FHIT: variants seen among roughly 807,000 people sequenced by gnomAD.
FHIT encodes bis(5'-adenosyl)-triphosphatase.
A neutral mutation model predicts 17.9 loss-of-function variants in FHIT; 19 were observed. The ratio of observed to expected loss-of-function variants is 1.06; its 90% CI spans 0.74 to 1.56. The LOEUF (loss-of-function observed/expected upper bound fraction) is 1.56. Among genes scored for constraint, FHIT ranks in the 40% most tolerant of loss-of-function variants. The probability of loss-of-function intolerance (pLI) is 0.00; values close to 1 mark genes in which losing one functional copy is unlikely to be tolerated. For synonymous variants in FHIT, 81 were observed against 69.7 expected (o/e 1.16, Z -0.81); for missense variants, 248 against 189.2 (o/e 1.31, Z -1.82).
At chr3:59,944,982 G>A (rs1706727925) in intron 7 of FHIT, among the ~76,000 whole-genome samples, 1 of 152,160 alleles carries the variant, frequency 6.6e-6, no homozygotes, top group East Asian at 1.9e-4. Context: ...CTACTGCAAT[G>A]AATATGTCTA....
intron 5 of FHIT, among the ~76,000 whole-genome samples, chr3:60,097,527 A>G (rs899472260): frequency 1.3e-5 from 2 of 151,774 alleles, no homozygotes; most frequent in African/African-American, 4.8e-5. Context: ...CACCTTCACA[A>G]CCTCTGAGAC....
At chr3:60,202,943 T>C (rs1281156741) in intron 5 of FHIT, among the ~76,000 whole-genome samples, 1 of 152,114 alleles carries the variant, frequency 6.6e-6, no homozygotes, top group Non-Finnish European at 1.5e-5. Flanking sequence ...TCTACTTTTA[T>C]TTATGAGTGT....
chr3:60,932,751 C>G (rs1708022813), intron 3 of FHIT, among the ~76,000 whole-genome samples: 1 of 152,176 alleles, frequency 6.6e-6, no homozygotes, highest in African/African-American at 2.4e-5. Flanking sequence ...ATCTTCTGTT[C>G]ATTAAACTCT....
intron 5 of FHIT, among the ~76,000 whole-genome samples, chr3:60,199,746 A>G (rs546781516): frequency 1.3e-5 from 2 of 152,256 alleles, no homozygotes; most frequent in South Asian, 4.1e-4. Context: ...TTTTTATTTA[A>G]ACATAAACTC....
chr3:60,695,991 G>C (rs2041106062), intron 4 of FHIT, among the ~76,000 whole-genome samples: 1 of 152,156 alleles, frequency 6.6e-6, no homozygotes, highest in South Asian at 2.1e-4. Flanking sequence ...GAGGAATGGA[G>C]ATAAGGAGAG....
chr3:60,402,056 CTTA>C (rs1701678352), intron 5 of FHIT, among the ~76,000 whole-genome samples: 1 of 152,106 alleles, frequency 6.6e-6, no homozygotes, highest in African/African-American at 2.4e-5. Context: ...TACTAAGAGT[CTTA>C]TTAAGGGGCT....
At chr3:60,018,785 C>T (rs1229225867) in intron 5 of FHIT, among the ~76,000 whole-genome samples, 1 of 152,002 alleles carries the variant, frequency 6.6e-6, no homozygotes, top group Non-Finnish European at 1.5e-5. Context: ...CAAGACCAGC[C>T]TGGCCAACGT....
chr3:59,871,892 G>A (rs1702942132), intron 8 of FHIT, among the ~76,000 whole-genome samples: 1 of 152,168 alleles, frequency 6.6e-6, no homozygotes, highest in Non-Finnish European at 1.5e-5. Flanking sequence ...CTTGCGCACT[G>A]AAGACAAGAA....
intron 8 of FHIT, among the ~76,000 whole-genome samples, chr3:59,769,649 A>T (rs1701976503): frequency 6.6e-6 from 1 of 152,144 alleles, no homozygotes; most frequent in South Asian, 2.1e-4. Flanking sequence ...CGGATACCAT[A>T]GCAGTACACA....
At chr3:60,965,606 C>G (rs376282545) in intron 3 of FHIT, among the ~76,000 whole-genome samples, 3 of 152,140 alleles carry the variant, frequency 2.0e-5, no homozygotes, top group Admixed American at 6.5e-5. Context: ...GTGACGTACA[C>G]ATGGGGTTTT....
chr3:60,734,223 A>G (rs1315402403), intron 4 of FHIT, among the ~76,000 whole-genome samples: 3 of 152,204 alleles, frequency 2.0e-5, no homozygotes, highest in African/African-American at 4.8e-5. Flanking sequence ...CAGTCTTAGA[A>G]ACCATTTTAA....
chr3:59,780,731 C>A (rs1173327163), intron 8 of FHIT, among the ~76,000 whole-genome samples: 1 of 152,166 alleles, frequency 6.6e-6, no homozygotes, highest in South Asian at 2.1e-4. Flanking sequence ...GAAGGTGAAC[C>A]AGAAGCAGGG....
At chr3:60,092,020 C>T (rs1559624271) in intron 5 of FHIT, among the ~76,000 whole-genome samples, 1 of 152,162 alleles carries the variant, frequency 6.6e-6, no homozygotes, top group Non-Finnish European at 1.5e-5. Context: ...TGGTTGGCTG[C>T]TACCCACAGG....
intron 5 of FHIT, among the ~76,000 whole-genome samples, chr3:60,205,680 A>C (rs1439488274): frequency 6.6e-6 from 1 of 152,214 alleles, no homozygotes; most frequent in Non-Finnish European, 1.5e-5. Flanking sequence ...ACATGGGAAC[A>C]AAATGACGCA....
intron 5 of FHIT, among the ~76,000 whole-genome samples, chr3:60,126,942 C>A (rs1209963685): frequency 6.6e-6 from 1 of 152,144 alleles, no homozygotes; most frequent in Non-Finnish European, 1.5e-5. Context: ...TAACTAGTGG[C>A]CTTTGTTCTA....
At chr3:60,338,153 C>G (rs909619534) in intron 5 of FHIT, among the ~76,000 whole-genome samples, 2 of 152,122 alleles carry the variant, frequency 1.3e-5, no homozygotes, top group African/African-American at 4.8e-5. Flanking sequence ...TACATATATT[C>G]TGCATCACTA....
intron 5 of FHIT, among the ~76,000 whole-genome samples, chr3:60,403,847 T>G (rs1235591346): frequency 6.6e-6 from 1 of 152,222 alleles, no homozygotes; most frequent in East Asian, 1.9e-4. Context: ...TCCCATGTCA[T>G]GTAAAATTAT....
chr3:61,169,725 CA>C (rs1200802794), intron 2 of FHIT, among the ~76,000 whole-genome samples: 2 of 152,114 alleles, frequency 1.3e-5, no homozygotes, highest in Non-Finnish European at 2.9e-5. Flanking sequence ...ATTATTCTGA[CA>C]TGTGTTAAAA....
intron 5 of FHIT, among the ~76,000 whole-genome samples, chr3:60,226,472 CAAAAAAAAAAA>C (rs1189100387): frequency 2.9e-5 from 2 of 70,148 alleles, no homozygotes; most frequent in Non-Finnish European, 5.3e-5. Context: ...AACTCCGTCT[CAAAAAAAAAAA>C]AAAAAAAAAA....
Sources: allele counts gnomAD v4.1 joint callset (sites outside exome capture counted in the v4.1 genomes callset), GRCh38; gene constraint gnomAD v4.1.1; transcripts MANE v1.5; gene names NCBI Gene and HGNC (gene_info 2026-07-23, HGNC 2026-07-21).